The following MYPN variants were observed in gnomAD, a reference collection of about 807,000 sequenced individuals.
MYPN encodes the protein sarcomeric protein myopalladin, 145 kDa (MYOP).
In MYPN, 63 loss-of-function variants were observed where a neutral mutation model predicts 129.4. That is an observed-to-expected ratio of 0.49 (90% confidence interval 0.40 to 0.60). The LOEUF (loss-of-function observed/expected upper bound fraction) is 0.60. Ranked by LOEUF, MYPN falls within the 20% of genes least tolerant of loss-of-function variation. The pLI is 0.00. For synonymous variants in MYPN, 629 were observed against 600.9 expected, an observed-to-expected ratio of 1.05 and a Z score of -0.68; for missense variants, 1,596 against 1,635.4, an observed-to-expected ratio of 0.98 and a Z score of 0.42.
intron 18 of MYPN, among the ~76,000 whole-genome samples, chr10:68,205,627 C>T (rs887966562): frequency 1.3e-4 from 20 of 151,686 alleles, no homozygotes; most frequent in African/African-American, 4.9e-4. Context: ...GGGGAGGGTG[C>T]AGTGAGCCGA....
chr10:68,145,451 T>C (rs1487670677), intron 3 of MYPN, 24 bp from the exon 4 acceptor site: 1 of 1,600,666 alleles, frequency 6.2e-7, no homozygotes, highest in Admixed American at 1.7e-5. Flanking sequence ...TTAACAATCT[T>C]ATGTCTTGTT....
upstream of MYPN, among the ~76,000 whole-genome samples, chr10:68,105,089 G>A (rs1359984128): frequency 6.6e-6 from 1 of 152,026 alleles, no homozygotes; most frequent in Non-Finnish European, 1.5e-5. Flanking sequence ...GGCCTAATAT[G>A]TTTTCTATTC....
chr10:68,203,436 T>A (rs2043751974), intron 18 of MYPN, among the ~76,000 whole-genome samples: 1 of 146,972 alleles, frequency 6.8e-6, no homozygotes, highest in African/African-American at 2.5e-5. Context: ...AAAAAAAAAA[T>A]TAATTGTCTA....
At chr10:68,142,574 C>G (rs1240586886) in intron 2 of MYPN, among the ~76,000 whole-genome samples, 2 of 152,178 alleles carry the variant, frequency 1.3e-5, no homozygotes, top group African/African-American at 4.8e-5. Flanking sequence ...CTCTTAGATT[C>G]TCTCATATAA....
intron 10 of MYPN, among the ~76,000 whole-genome samples, chr10:68,172,194 A>C (rs7907493): frequency 0.063 from 9,511 of 152,038 alleles, 1,022 homozygotes; most frequent in African/African-American, 0.22. Flanking sequence ...AACTCTACAA[A>C]AAATATAAAA....
At chr10:68,176,103 C>T (rs1235112991) in intron 12 of MYPN, among the ~76,000 whole-genome samples, 1 of 152,100 alleles carries the variant, frequency 6.6e-6, no homozygotes, top group Admixed American at 6.6e-5. Context: ...ATCTAATGTG[C>T]TTAAAAGTTT....
chr10:68,206,991 C>A (rs1263539001), intron 19 of MYPN, 88 bp downstream of exon 19: 21 of 1,513,936 alleles, frequency 1.4e-5, no homozygotes, highest in Non-Finnish European at 1.9e-5. Context: ...GGCAAGGTGG[C>A]TCATGCCTGT....
chr10:68,136,533 C>T, intron 2 of MYPN: 1 of 1,418,206 alleles, frequency 7.1e-7, no homozygotes, highest in South Asian at 1.6e-5. Flanking sequence ...CCAGCCTGAT[C>T]CCTGCCTAAT....
intron 2 of MYPN, 32 bp from the exon 3 acceptor site, chr10:68,142,906 GTC>G (rs2042599317): frequency 6.2e-7 from 1 of 1,604,606 alleles, no homozygotes. Flanking sequence ...TTGCATTTGA[GTC>G]ATGTCCAATG....
chr10:68,149,575 A>G (rs2042730795), intron 5 of MYPN, among the ~76,000 whole-genome samples: 1 of 152,202 alleles, frequency 6.6e-6, no homozygotes, highest in Non-Finnish European at 1.5e-5. Flanking sequence ...CTAGAATTAC[A>G]GCTGTGAGCC....
In MYPN at chr10:68,126,417, A is replaced by G. The variant is rs2042326700; in HGVS notation, c.902+4077A>G. ...AACTGGAAACCATTTAAGGTTATGT[A>G]TAGGGAAGTAACAAGATGAAAGGGA... On this transcript the variant is annotated intron_variant, in intron 2 of 19. Transcript: ENST00000358913. Among the ~76,000 whole-genome samples, 3 of 152,200 alleles carry G rather than the reference A, an allele frequency of 2.0e-5. No individual in the cohort carries two copies. In the South Asian group the frequency reaches 6.2e-4, roughly 31 times the overall value.
At chr10:68,098,314 T>C (rs1300212197) in intron 1 of MYPN, among the ~76,000 whole-genome samples, 1 of 152,176 alleles carries the variant, frequency 6.6e-6, no homozygotes, top group Non-Finnish European at 1.5e-5. Flanking sequence ...AAGTTAAACA[T>C]TACCTGATCG....
At chr10:68,154,288 C>T (rs1373808398) in intron 6 of MYPN, among the ~76,000 whole-genome samples, 1 of 152,230 alleles carries the variant, frequency 6.6e-6, no homozygotes, top group Non-Finnish European at 1.5e-5. Flanking sequence ...TATCACTGCT[C>T]CCACCCCAGC....
chr10:68,144,843 T>A (rs1447845794), intron 3 of MYPN, among the ~76,000 whole-genome samples: 2 of 152,170 alleles, frequency 1.3e-5, no homozygotes, highest in African/African-American at 4.8e-5. Flanking sequence ...CTGCAAATAC[T>A]GCTCTGTTAG....
At chr10:68,135,566 A>G (rs2042474281) in intron 2 of MYPN, 1 of 777,032 alleles carries the variant, frequency 1.3e-6, no homozygotes, top group Non-Finnish European at 1.6e-6. Flanking sequence ...CACATTCTTC[A>G]CTTAAGAGAT....
At chr10:68,194,184 C>T (rs1272105460) in intron 13 of MYPN, among the ~76,000 whole-genome samples, 179 bp from the exon 14 acceptor site, 1 of 151,766 alleles carries the variant, frequency 6.6e-6, no homozygotes, top group East Asian at 1.9e-4. Context: ...TATACAGGTA[C>T]GAGTGGAGGG....
At chr10:68,188,673 T>C (rs1172144195) in intron 12 of MYPN, among the ~76,000 whole-genome samples, 1 of 152,208 alleles carries the variant, frequency 6.6e-6, no homozygotes, top group Non-Finnish European at 1.5e-5. Context: ...TGGGGCTGCA[T>C]GCTCAGGTGG....
chr10:68,154,648 A>G (rs570229204), intron 6 of MYPN, among the ~76,000 whole-genome samples: 1 of 152,372 alleles, frequency 6.6e-6, no homozygotes, highest in South Asian at 2.1e-4. Context: ...GTGCACTTGC[A>G]GCATCTTCCA....
intron 6 of MYPN, 60 bp downstream of exon 6, chr10:68,150,171 A>G (rs1400147206): frequency 7.4e-7 from 1 of 1,356,016 alleles, no homozygotes; most frequent in Non-Finnish European, 1.1e-6. Flanking sequence ...ACCCAAAGTT[A>G]TAGGATACAA....
Sources: gnomAD v4.1 joint callset for allele counts (sites outside exome capture counted in the v4.1 genomes callset) on GRCh38, gnomAD v4.1.1 for gene constraint, MANE v1.5 for transcripts, NCBI Gene and HGNC (gene_info 2026-07-23, HGNC 2026-07-21) for gene names.